SUPV3L1: variants seen among roughly 807,000 people sequenced by gnomAD.
The protein encoded by SUPV3L1 is Suv3 like RNA helicase.
In SUPV3L1, 35 loss-of-function variants were observed where a neutral mutation model predicts 70.0. The ratio of observed to expected loss-of-function variants is 0.50; its 90% CI spans 0.38 to 0.66. The LOEUF (loss-of-function observed/expected upper bound fraction) is 0.66. Among genes scored for constraint, SUPV3L1 ranks in the 30% least tolerant of loss-of-function variants. SUPV3L1 has a pLI of 0.00. For synonymous variants in SUPV3L1, 364 were observed against 341.9 expected (o/e 1.06, Z -0.71); for missense variants, 777 against 961.5 (o/e 0.81, Z 2.54).
chr10:69,203,006 A>G lies in SUPV3L1; in HGVS notation c.1739A>G (p.Asn580Ser). Residue 580 changes from asparagine to serine, a missense_variant, in exon 13 of 15, where the codon AAC (asparagine) becomes AGC (serine). Physicochemically the swap from Asn to Ser is conservative, Grantham distance 46. Coordinates refer to ENST00000359655, the MANE Select transcript of SUPV3L1 (RefSeq NM_003171.5). ...VRYVFCTAPINKKQPFVCSSL... is the reference protein window; with the variant it reads ...VRYVFCTAPISKKQPFVCSSL... ...TATGTTTTCTGCACAGCTCCTATCAACAAGAAGCAGCCTTTTGTGTGTTCT... is the reference window on the plus strand; with the variant it reads ...TATGTTTTCTGCACAGCTCCTATCAGCAAGAAGCAGCCTTTTGTGTGTTCT... The G allele has an allele frequency of 6.2e-7, 1 of 1,613,858 alleles. No individual in the cohort carries two copies. Among genetic ancestry groups the G allele is most frequent in the African/African-American group, 1.3e-5 (1 of 75,044 alleles).
Position 69,191,712 on chromosome 10 carries a change from A to G in SUPV3L1, c.799A>G (p.Lys267Glu). ...GCGTGTGACAGTTCAGCCAAATGGG[A>G]AACAGGCTTCACATGTTTCTTGTAC... ...EERVTVQPNGKQASHVSCTVE... is the reference protein window; with the variant it reads ...EERVTVQPNGEQASHVSCTVE... The change falls in exon 6 of 15, where the codon AAA becomes GAA. Residue 267 changes from lysine (K) to glutamate (E), a missense_variant. By Grantham distance (56) the Lys-to-Glu change is moderately conservative (BLOSUM62 1). Coordinates refer to ENST00000359655, the MANE Select transcript of SUPV3L1 (RefSeq NM_003171.5). The G allele has an allele frequency of 1.9e-6, 3 of 1,614,106 alleles. No individual in the cohort carries two copies. The highest frequency in any genetic ancestry group is 2.5e-6 in the Non-Finnish European group (3 of 1,180,012).
At chr10:69,198,631 G>A in intron 9 of SUPV3L1, 79 bp downstream of exon 9, 1 of 1,401,142 alleles carries the variant, frequency 7.1e-7, no homozygotes, top group Non-Finnish European at 9.8e-7. Context: ...ATAAAAAAAT[G>A]GTAAACAATA....
chr10:69,187,842 G>C, intron 4 of SUPV3L1, 86 bp downstream of exon 4: 1 of 882,216 alleles, frequency 1.1e-6, no homozygotes, highest in South Asian at 1.8e-5. Context: ...TTGTATTCTA[G>C]ATAACAAATT....
In SUPV3L1 at chr10:69,182,241, T is replaced by C. The variant is rs910995163; in HGVS notation, c.271+1679T>C. 1.2e-4 allele frequency among the ~76,000 whole-genome samples: 18 copies of C among 152,248 alleles called. No homozygotes were observed. The East Asian group carries it at 3.3e-3, about 28-fold the overall frequency. On this transcript the variant is annotated intron_variant, in intron 1 of 14. Transcript: ENST00000359655. ...AACTTCTGGGCTCCAGGGATCCTCC[T>C]GCCATGGCCTCCCAAAGCCCTGAGA...
At position 69,180,269 on chromosome 10, in the gene SUPV3L1, A is replaced by G. The variant is rs1351925217; in HGVS notation, c.-23A>G. On this transcript the variant is annotated 5_prime_UTR_variant, in exon 1 of 15. Coordinates refer to ENST00000359655, the MANE Select transcript of SUPV3L1 (RefSeq NM_003171.5). Reference sequence around the variant, plus strand: ...GCCGCCGTGTCCGCGGCTGCGCCAGACAGTGTAGAACCTGCGGCCTCGATG... The same window carrying G: ...GCCGCCGTGTCCGCGGCTGCGCCAGGCAGTGTAGAACCTGCGGCCTCGATG... The G allele has an allele frequency of 3.1e-6, 5 of 1,605,674 alleles. No homozygotes were observed. Among genetic ancestry groups the G allele is most frequent in the Non-Finnish European group, 4.3e-6 (5 of 1,175,034 alleles).
intron 8 of SUPV3L1, among the ~76,000 whole-genome samples, chr10:69,197,728 C>G (rs35346079): frequency 0.18 from 27,254 of 152,068 alleles, 2,851 homozygotes; most frequent in Non-Finnish European, 0.23. Context: ...TGCCACCATG[C>G]CCATCTAATT....
intron 6 of SUPV3L1, chr10:69,193,130 A>T (rs1235388691): frequency 1.3e-5 from 2 of 152,240 alleles, no homozygotes; most frequent in African/African-American, 4.8e-5. Context: ...ATAATTTCCC[A>T]GTCCCACCTA....
At chr10:69,184,616 T>TACACACAC (rs59328806) in intron 1 of SUPV3L1, among the ~76,000 whole-genome samples, 14,680 of 145,960 alleles carry the variant, frequency 0.1, 810 homozygotes, top group Middle Eastern at 0.18. Flanking sequence ...GAAATATAAA[T>TACACACAC]ACACACACAC....
At chr10:69,193,514 G>T (rs1044638625) in intron 6 of SUPV3L1, among the ~76,000 whole-genome samples, 3 of 150,426 alleles carry the variant, frequency 2.0e-5, no homozygotes, top group African/African-American at 4.9e-5. Flanking sequence ...GAGTGCAGTG[G>T]CACGATGACA....
rs202133775 is a variant in SUPV3L1, at chr10:69,208,605, G to A, written c.1931G>A (p.Arg644Gln). 6.9e-5 allele frequency: 111 copies of A among 1,610,386 alleles called. 1 individual carries two copies. Among genetic ancestry groups the A allele is most frequent in the South Asian group, 3.1e-4 (28 of 90,938 alleles). The change falls in exon 15 of 15, where the codon CGA becomes CAA. Residue 644 changes from arginine (R) to glutamine (Q), a missense_variant. Arg to Gln is a conservative substitution (Grantham distance 43, BLOSUM62 1). Coordinates refer to ENST00000359655, the MANE Select transcript of SUPV3L1 (RefSeq NM_003171.5). ...VLDLYLWLSY[R>Q]FMDMFPDASL... ...CTAATGTGTCTTTTTCCCAGCTACCGATTTATGGATATGTTTCCAGATGCC... is the reference window on the plus strand; with the variant it reads ...CTAATGTGTCTTTTTCCCAGCTACCAATTTATGGATATGTTTCCAGATGCC...
chr10:69,188,824 A>T (rs1420804081), intron 4 of SUPV3L1, among the ~76,000 whole-genome samples: 1 of 152,142 alleles, frequency 6.6e-6, no homozygotes, highest in African/African-American at 2.4e-5. Context: ...TGGGAGGGCA[A>T]GTCTAGTGCC....
At chr10:69,188,572 C>T (rs1284436497) in intron 4 of SUPV3L1, among the ~76,000 whole-genome samples, 1 of 152,146 alleles carries the variant, frequency 6.6e-6, no homozygotes, top group African/African-American at 2.4e-5. Flanking sequence ...GTTCTCGGCT[C>T]ACTGCAACCT....
intron 3 of SUPV3L1, 86 bp downstream of exon 3, chr10:69,186,636 T>A: frequency 1.7e-6 from 2 of 1,192,702 alleles, no homozygotes; most frequent in Non-Finnish European, 2.4e-6. Context: ...TAGAAGGGCT[T>A]ATTTGGTTTA....
At chr10:69,200,704 A>C (rs2132298188) in intron 11 of SUPV3L1, among the ~76,000 whole-genome samples, 1 of 152,332 alleles carries the variant, frequency 6.6e-6, no homozygotes, top group Non-Finnish European at 1.5e-5. Flanking sequence ...AATGGTATGC[A>C]AGTGAAGGTC....
intron 6 of SUPV3L1, 120 bp downstream of exon 6, chr10:69,191,886 G>A (rs1429663220): frequency 8.0e-6 from 5 of 628,564 alleles, no homozygotes; most frequent in Non-Finnish European, 7.9e-6. Context: ...GGCTCACTGC[G>A]ACCTCTGCCT....
At chr10:69,182,113 G>A (rs1842082852) in intron 1 of SUPV3L1, among the ~76,000 whole-genome samples, 1 of 151,558 alleles carries the variant, frequency 6.6e-6, no homozygotes, top group African/African-American at 2.4e-5. Flanking sequence ...TCCTGGCTCA[G>A]CCTTCTAAGT....
At chr10:69,184,614 A>ACACACACAC (rs1842163734) in intron 1 of SUPV3L1, among the ~76,000 whole-genome samples, 1 of 43,910 alleles carries the variant, frequency 2.3e-5, no homozygotes, top group Non-Finnish European at 5.0e-5. Context: ...CTGAAATATA[A>ACACACACAC]ATACACACAC....
intron 1 of SUPV3L1, among the ~76,000 whole-genome samples, chr10:69,184,695 A>G (rs1842168477): frequency 6.6e-6 from 1 of 151,328 alleles, no homozygotes; most frequent in African/African-American, 2.4e-5. Context: ...GGGCAGATCT[A>G]GTGATTCTGA....
chr10:69,206,794 G>A (rs746008296), intron 13 of SUPV3L1, among the ~76,000 whole-genome samples: 1 of 152,168 alleles, frequency 6.6e-6, no homozygotes, highest in Non-Finnish European at 1.5e-5. Flanking sequence ...GGATCACAAG[G>A]TCGGGAGTTT....
Sources: gnomAD v4.1 joint callset for allele counts (sites outside exome capture counted in the v4.1 genomes callset) on GRCh38, gnomAD v4.1.1 for gene constraint, MANE v1.5 for transcripts, NCBI Gene and HGNC (gene_info 2026-07-23, HGNC 2026-07-21) for gene names.